Variants in THADA observed in about 807,000 individuals in gnomAD.
THADA encodes the protein THADA armadillo repeat containing, also known as tRNA (32-2'-O)-methyltransferase regulator THADA.
In THADA, 213 loss-of-function variants were observed where a neutral mutation model predicts 219.8. The observed-to-expected ratio is 0.97, with a 90% CI of 0.87 to 1.09. THADA has a LOEUF of 1.09. Ranked by LOEUF, THADA falls within the 50% of genes least tolerant of loss-of-function variation. The pLI is 0.00. For missense variants in THADA, 2,956 were observed against 2,311.3 expected (o/e 1.28, Z -5.72); for synonymous variants, 1,018 against 828.9 (o/e 1.23, Z -3.92).
At chr2:43,478,597 T>G (rs1685816803) in intron 26 of THADA, among the ~76,000 whole-genome samples, 1 of 152,192 alleles carries the variant, frequency 6.6e-6, no homozygotes, top group South Asian at 2.1e-4. Flanking sequence ...ATGCTTTTAC[T>G]AAGATGCAGA....
intron 28 of THADA, among the ~76,000 whole-genome samples, chr2:43,427,626 GT>G (rs1187755359): frequency 1.4e-5 from 2 of 147,760 alleles, no homozygotes; most frequent in Non-Finnish European, 3.0e-5. Flanking sequence ...ATATATAATA[GT>G]TTTTAATATA....
chr2:43,364,342 C>T (rs1669878997), intron 29 of THADA, among the ~76,000 whole-genome samples: 2 of 152,232 alleles, frequency 1.3e-5, no homozygotes, highest in Admixed American at 6.5e-5. Context: ...AAATGTATTA[C>T]TCTAAAACGA....
At chr2:43,534,389 TAGTC>T (rs1044508445) in intron 21 of THADA, among the ~76,000 whole-genome samples, 1 of 152,160 alleles carries the variant, frequency 6.6e-6, no homozygotes, top group African/African-American at 2.4e-5. Flanking sequence ...TTGCAAACTA[TAGTC>T]ATCCTACTGT....
At chr2:43,467,139 G>A (rs887436699) in intron 26 of THADA, among the ~76,000 whole-genome samples, 7 of 116,138 alleles carry the variant, frequency 6.0e-5, no homozygotes, top group Non-Finnish European at 9.9e-5. Flanking sequence ...CCGAGATCGC[G>A]CCACTGCACT....
chr2:43,580,022 T>C (rs1339010642), intron 8 of THADA, among the ~76,000 whole-genome samples: 2 of 138,280 alleles, frequency 1.4e-5, no homozygotes, highest in Non-Finnish European at 3.1e-5. Context: ...AAAAAGCTAC[T>C]TCTTTTTTTT....
At chr2:43,308,606 GT>G (rs1415266147) in intron 31 of THADA, among the ~76,000 whole-genome samples, 1 of 151,978 alleles carries the variant, frequency 6.6e-6, no homozygotes, top group Non-Finnish European at 1.5e-5. Flanking sequence ...GGAGGCTGGG[GT>G]TGGAGGATTT....
chr2:43,429,312 G>GGCCAA (rs1678930012), intron 27 of THADA, among the ~76,000 whole-genome samples: 2 of 152,052 alleles, frequency 1.3e-5, no homozygotes, highest in South Asian at 4.2e-4. Context: ...TCGCCATGCT[G>GGCCAA]GCCAAGCTGG....
At chr2:43,504,530 C>T (rs1307110730) in intron 24 of THADA, among the ~76,000 whole-genome samples, 1 of 152,240 alleles carries the variant, frequency 6.6e-6, no homozygotes, top group Non-Finnish European at 1.5e-5. Context: ...TGATTGTAAA[C>T]TTCAGCTCTC....
At chr2:43,517,885 A>C (rs764730736) in intron 22 of THADA, among the ~76,000 whole-genome samples, 10 of 152,162 alleles carry the variant, frequency 6.6e-5, no homozygotes, top group Non-Finnish European at 1.3e-4. Flanking sequence ...ATCTCATTAA[A>C]CTTTATCTTA....
At chr2:43,270,650 G>A (rs1436122844) in intron 36 of THADA, among the ~76,000 whole-genome samples, 2 of 152,132 alleles carry the variant, frequency 1.3e-5, no homozygotes, top group South Asian at 2.1e-4. Context: ...GCCTTGGGAC[G>A]TTGGGCCCAT....
At chr2:43,406,707 T>C (rs17406472) in intron 28 of THADA, among the ~76,000 whole-genome samples, 35,091 of 152,084 alleles carry the variant, frequency 0.23, 4,314 homozygotes, top group South Asian at 0.33. Context: ...CTACACTTAG[T>C]TTGAAATTTT....
At chr2:43,453,078 TAAAC>T (rs890509132) in intron 26 of THADA, among the ~76,000 whole-genome samples, 6 of 151,956 alleles carry the variant, frequency 3.9e-5, no homozygotes, top group African/African-American at 1.2e-4. Context: ...ACAAGAAAAA[TAAAC>T]AAACAAACAA....
chr2:43,584,494 T>C (rs1348379797), intron 7 of THADA, among the ~76,000 whole-genome samples: 1 of 152,192 alleles, frequency 6.6e-6, no homozygotes, highest in Non-Finnish European at 1.5e-5. Flanking sequence ...GCTCCTGCTG[T>C]GGAAAAAGGC....
intron 29 of THADA, among the ~76,000 whole-genome samples, chr2:43,347,698 T>C (rs1573193140): frequency 6.6e-6 from 1 of 152,284 alleles, no homozygotes; most frequent in African/African-American, 2.4e-5. Context: ...ACCAGTTCAA[T>C]TTTTCCCTAA....
intron 28 of THADA, among the ~76,000 whole-genome samples, chr2:43,425,446 A>ATGTGTGTGTGTGTGTGTG (rs70963396): frequency 2.1e-5 from 3 of 140,410 alleles, no homozygotes; most frequent in African/African-American, 8.1e-5. Flanking sequence ...TTAAAATTGT[A>ATGTGTGTGTGTGTGTGTG]TGTGTGTGTG....
intron 22 of THADA, among the ~76,000 whole-genome samples, chr2:43,513,484 T>TCAGCTCTGAA (rs1485157763): frequency 2.0e-5 from 3 of 152,138 alleles, no homozygotes; most frequent in African/African-American, 7.2e-5. Flanking sequence ...CTCATCTCTT[T>TCAGCTCTGAA]TGAGAAGAAC....
At position 43,570,425 on chromosome 2, in the gene THADA, G is replaced by C. The variant is rs761976499; in HGVS notation, c.2150C>G (p.Thr717Ser). 1 of 1,613,456 alleles carries C rather than the reference G, an allele frequency of 6.2e-7. No individual in the cohort carries two copies. The highest frequency in any genetic ancestry group is 2.2e-5 in the East Asian group (1 of 44,804). Residue 717 changes from threonine to serine, a missense_variant, in exon 14 of 38, where the codon ACC becomes AGC. Coordinates refer to ENST00000405975, the MANE Select transcript of THADA (RefSeq NM_022065.5). ...KSKREPENELTKQHPSVSLQQ... is the reference protein window; with the variant it reads ...KSKREPENELSKQHPSVSLQQ... ...TAAAGAAACAGAAGGGTGCTGTTTGGTTAACTCATTCTCTGGTTCACGTTT... is the reference window on the plus strand; with the variant it reads ...TAAAGAAACAGAAGGGTGCTGTTTGCTTAACTCATTCTCTGGTTCACGTTT...
At chr2:43,324,873 T>A (rs991618763) in intron 30 of THADA, among the ~76,000 whole-genome samples, 1 of 151,990 alleles carries the variant, frequency 6.6e-6, no homozygotes, top group African/African-American at 2.4e-5. Context: ...ATAATGAAGA[T>A]TTATAGTGCT....
intron 26 of THADA, among the ~76,000 whole-genome samples, chr2:43,431,219 T>A (rs182499139): frequency 7.2e-5 from 11 of 152,266 alleles, no homozygotes; most frequent in Middle Eastern, 6.8e-3. Context: ...TATCACATTT[T>A]AAAAAAACTG....
Sources: allele counts gnomAD v4.1 joint callset (sites outside exome capture counted in the v4.1 genomes callset), GRCh38; gene constraint gnomAD v4.1.1; transcripts MANE v1.5; gene names NCBI Gene and HGNC (gene_info 2026-07-23, HGNC 2026-07-21).